Variants in AEBP2 observed in about 807,000 individuals in gnomAD.
The protein encoded by AEBP2 is zinc finger protein AEBP2.
A neutral mutation model predicts 50.8 loss-of-function variants in AEBP2; 10 were observed. The observed-to-expected ratio is 0.20, with a 90% CI of 0.12 to 0.33. The LOEUF (loss-of-function observed/expected upper bound fraction) is 0.33, where lower values mean the gene tolerates loss of function less well. Ranked by LOEUF, AEBP2 falls within the 10% of genes least tolerant of loss-of-function variation. The probability of loss-of-function intolerance (pLI) is 1.00; values close to 1 mark genes in which losing one functional copy is unlikely to be tolerated. For synonymous variants in AEBP2, 296 were observed against 261.3 expected (o/e 1.13, Z -1.28); for missense variants, 570 against 688.0 (o/e 0.83, Z 1.92).
chr12:19,484,229 A>C (rs1418036162), intron 3 of AEBP2, among the ~76,000 whole-genome samples: 1 of 146,886 alleles, frequency 6.8e-6, no homozygotes, highest in East Asian at 2.0e-4. Flanking sequence ...GATTACAGGC[A>C]GGCACCACAA....
intron 3 of AEBP2, among the ~76,000 whole-genome samples, chr12:19,483,406 C>G (rs1353201346): frequency 1.3e-5 from 2 of 152,154 alleles, no homozygotes; most frequent in African/African-American, 4.8e-5. Flanking sequence ...TTTTCTCTCT[C>G]TTACACTTTG....
chr12:19,428,326 A>T (rs2095749638), intron 1 of AEBP2, among the ~76,000 whole-genome samples: 1 of 152,234 alleles, frequency 6.6e-6, no homozygotes, highest in Admixed American at 6.5e-5. Context: ...TGGCATTGCA[A>T]AATGAGGTCA....
intron 3 of AEBP2, among the ~76,000 whole-genome samples, chr12:19,478,761 G>A (rs1455526295): frequency 6.6e-6 from 1 of 152,108 alleles, no homozygotes; most frequent in East Asian, 1.9e-4. Context: ...TAATTTCCAT[G>A]TGTTTGTGTA....
chr12:19,417,258 G>T (rs1426549601), intron 1 of AEBP2, among the ~76,000 whole-genome samples: 1 of 152,068 alleles, frequency 6.6e-6, no homozygotes. Flanking sequence ...CTACTACCTA[G>T]ATCTTCTAAA....
intron 1 of AEBP2, chr12:19,456,296 A>G: frequency 6.6e-7 from 1 of 1,524,070 alleles, no homozygotes; most frequent in Non-Finnish European, 9.0e-7. Context: ...TGCCAGCTCC[A>G]GCAGCCTTCT....
At chr12:19,505,962 A>AT (rs1265927269) in intron 5 of AEBP2, among the ~76,000 whole-genome samples, 2 of 148,132 alleles carry the variant, frequency 1.4e-5, no homozygotes, top group South Asian at 2.2e-4. Flanking sequence ...TTTTTTTTTT[A>AT]TTTTTTCTTG....
chr12:19,440,218 C>T lies in AEBP2; in HGVS notation c.519C>T (p.Gly173=). 1.4e-6 allele frequency: 2 copies of T among 1,462,194 alleles called. No individual in the cohort carries two copies. The highest frequency in any genetic ancestry group is 1.4e-5 in the South Asian group (1 of 71,842). The allele number at this position is 1,462,194 out of a possible 1,614,324, so 90.6% of individuals were successfully genotyped here. ...GGGGCAGCCAGGGCGGCGGCGGGGG[C>T]GGCAGCAGTAGCAGCAGCGTAGTCT... is the stretch of plus-strand genomic sequence containing the variant. The part of the protein sequence containing the change: ...GPRGSQGGGG[G]GSSSSSVVSS... Residue 173 remains glycine (G), a synonymous_variant, in exon 1 of 8, where the codon GGC becomes GGT. Transcript: ENST00000266508.
At chr12:19,509,309 A>G in intron 5 of AEBP2, 1 of 218,992 alleles carries the variant, frequency 4.6e-6, no homozygotes, top group Non-Finnish European at 9.1e-6. Context: ...AATTTCATCT[A>G]CTATGAATGC....
intron 1 of AEBP2, among the ~76,000 whole-genome samples, chr12:19,405,474 T>C (rs1349050516): frequency 6.6e-6 from 1 of 151,710 alleles, no homozygotes; most frequent in Non-Finnish European, 1.5e-5. Flanking sequence ...GACAGGCATG[T>C]ACCACCATAC....
Position 19,521,799 on chromosome 12 carries a change from G to T in AEBP2, c.*3682G>T, listed in dbSNP as rs540909020. On this transcript the variant is annotated 3_prime_UTR_variant, in exon 8 of 8. Coordinates refer to ENST00000266508, the MANE Select transcript of AEBP2 (RefSeq NM_153207.5). ...TTTAAAGCATTTTTATTTTTTCTTTGAATTCTTAATTCATGGTGAACAGAT... is the reference window on the plus strand; with the variant it reads ...TTTAAAGCATTTTTATTTTTTCTTTTAATTCTTAATTCATGGTGAACAGAT... 1 of 151,700 alleles carries T rather than the reference G, an allele frequency of 6.6e-6. No homozygotes were observed. The highest frequency in any genetic ancestry group is 2.4e-5 in the African/African-American group (1 of 41,418). 9.4% of individuals were successfully genotyped at this position (151,700 alleles called of 1,614,324 possible). A position where few individuals can be genotyped will look rare whatever the true frequency, so the allele number is the denominator to read the frequency against.
intron 5 of AEBP2, among the ~76,000 whole-genome samples, chr12:19,500,845 T>A (rs1949057159): frequency 1.3e-5 from 2 of 152,206 alleles, no homozygotes; most frequent in Admixed American, 6.5e-5. Flanking sequence ...TGAAAAAGAA[T>A]AAATACATTT....
At chr12:19,456,807 A>G in intron 1 of AEBP2, 9 of 1,563,832 alleles carry the variant, frequency 5.8e-6, no homozygotes, top group East Asian at 2.2e-5. Context: ...GGTGACCACC[A>G]TACCAGGTTT....
At chr12:19,493,738 T>G in intron 3 of AEBP2, 62 bp from the exon 4 acceptor site, 8 of 1,475,698 alleles carry the variant, frequency 5.4e-6, no homozygotes, top group Non-Finnish European at 7.4e-6. Flanking sequence ...ATTCACTCAT[T>G]GATATTCTTC....
chr12:19,480,999 T>C (rs1948720043), intron 3 of AEBP2, among the ~76,000 whole-genome samples: 1 of 152,060 alleles, frequency 6.6e-6, no homozygotes, highest in African/African-American at 2.4e-5. Flanking sequence ...AAGTGTCTTT[T>C]CTTTGTCTTT....
In AEBP2 at chr12:19,439,897, C is replaced by T; in HGVS notation, c.198C>T (p.Gly66=). 2 of 1,476,496 alleles carry T rather than the reference C, an allele frequency of 1.4e-6. No individual in the cohort carries two copies. The highest frequency in any genetic ancestry group is 2.8e-5 in the East Asian group (1 of 35,978). 91.5% of individuals were successfully genotyped at this position (1,476,496 alleles called of 1,614,324 possible). A position where few individuals can be genotyped will look rare whatever the true frequency, so the allele number is the denominator to read the frequency against. ...ALLLNGGSGG[G]GGGGGGGVGG... The stretch of plus-strand genomic sequence containing the variant: ...TGCTGAACGGCGGCAGCGGTGGGGG[C>T]GGCGGAGGCGGCGGCGGAGGAGTGG... The change falls in exon 1 of 8, where the codon GGC becomes GGT. Residue 66 remains glycine, a synonymous_variant. Coordinates refer to ENST00000266508, the MANE Select transcript of AEBP2 (RefSeq NM_153207.5).
At chr12:19,435,517 A>G (rs1033257623), upstream of AEBP2, among the ~76,000 whole-genome samples, 1 of 152,168 alleles carries the variant, frequency 6.6e-6, no homozygotes, top group Non-Finnish European at 1.5e-5. Flanking sequence ...GATTACAGGC[A>G]TGAGCCACTG....
intron 2 of AEBP2, among the ~76,000 whole-genome samples, chr12:19,464,837 G>A (rs1401684125): frequency 2.0e-5 from 3 of 151,646 alleles, no homozygotes; most frequent in Admixed American, 6.6e-5. Context: ...TGATCCACCC[G>A]CCTCGGCCTC....
At chr12:19,451,088 G>T (rs1948159728) in intron 1 of AEBP2, among the ~76,000 whole-genome samples, 1 of 152,150 alleles carries the variant, frequency 6.6e-6, no homozygotes, top group South Asian at 2.1e-4. Context: ...AGAGTTGTAA[G>T]CATTACAGAG....
upstream of AEBP2, among the ~76,000 whole-genome samples, chr12:19,435,002 TTAA>T (rs1303301302): frequency 2.0e-5 from 3 of 152,182 alleles, no homozygotes; most frequent in South Asian, 2.1e-4. Flanking sequence ...TTTTTTTCCC[TTAA>T]TAAATCCTTC....
Sources: gnomAD v4.1 joint callset for allele counts (sites outside exome capture counted in the v4.1 genomes callset) on GRCh38, gnomAD v4.1.1 for gene constraint, MANE v1.5 for transcripts, NCBI Gene and HGNC (gene_info 2026-07-23, HGNC 2026-07-21) for gene names.